Variants in FAM135A observed in about 807,000 individuals in gnomAD.
FAM135A encodes the protein protein FAM135A.
FAM135A carries 79 observed loss-of-function variants against 146.8 expected under a neutral mutation model. The observed-to-expected ratio is 0.54, with a 90% confidence interval of 0.45 to 0.65. The LOEUF is 0.65. Ranked by LOEUF, FAM135A falls within the 30% of genes least tolerant of loss-of-function variation. The pLI, the probability that FAM135A is intolerant of heterozygous loss-of-function variation, is 0.00. For missense variants in FAM135A, 1,623 were observed against 1,758.2 expected, an observed-to-expected ratio of 0.92 and a Z score of 1.38; for synonymous variants, 562 against 603.6, an observed-to-expected ratio of 0.93 and a Z score of 1.01.
chr6:70,517,960 A>G (rs1792672299), intron 12 of FAM135A, among the ~76,000 whole-genome samples: 2 of 152,142 alleles, frequency 1.3e-5, no homozygotes, highest in Admixed American at 1.3e-4. Context: ...TTAATATGCA[A>G]TGATCTCTAA....
At chr6:70,498,490 A>T (rs1387355696) in intron 11 of FAM135A, among the ~76,000 whole-genome samples, 1 of 151,686 alleles carries the variant, frequency 6.6e-6, no homozygotes, top group Non-Finnish European at 1.5e-5. Flanking sequence ...TTCTGGTCTG[A>T]TTTTAGTTAT....
intron 4 of FAM135A, among the ~76,000 whole-genome samples, chr6:70,451,226 T>C (rs1777025573): frequency 6.6e-6 from 1 of 152,208 alleles, no homozygotes; most frequent in African/African-American, 2.4e-5. Context: ...AAACCAAGGA[T>C]TGTGAATGTA....
At chr6:70,419,291 C>G (rs903032280) in intron 2 of FAM135A, among the ~76,000 whole-genome samples, 1 of 152,044 alleles carries the variant, frequency 6.6e-6, no homozygotes, top group Non-Finnish European at 1.5e-5. Context: ...TGGTGGCGCA[C>G]GCCTGTAGTC....
chr6:70,560,203 T>C lies in FAM135A; in HGVS notation c.*282T>C, dbSNP rs1386061986. 4.0e-5 allele frequency: 11 copies of C among 273,506 alleles called. No individual in the cohort carries two copies. Among genetic ancestry groups the C allele is most frequent in the African/African-American group, 2.5e-4 (11 of 44,462 alleles). The allele number at this position is 273,506 out of a possible 1,614,324, so 16.9% of individuals were successfully genotyped here. ...TTCAGTGAAACTTTAAGCCCATACC[T>C]GTGTCTGATTGTTTATTATTGGCTT... On this transcript the variant is annotated 3_prime_UTR_variant, in exon 22 of 22. Transcript: ENST00000418814.
intron 8 of FAM135A, among the ~76,000 whole-genome samples, chr6:70,478,392 T>A (rs950035866): frequency 1.3e-5 from 2 of 152,252 alleles, no homozygotes; most frequent in Admixed American, 1.3e-4. Context: ...TTCTAAACTA[T>A]CTACAATTTC....
chr6:70,512,626 T>C (rs752810660), intron 12 of FAM135A, among the ~76,000 whole-genome samples: 3 of 151,814 alleles, frequency 2.0e-5, no homozygotes, highest in Non-Finnish European at 4.4e-5. Context: ...GTTTTTGTTA[T>C]GACTTTAGTT....
chr6:70,523,851 A>T (rs1203971965), intron 13 of FAM135A, 116 bp from the exon 14 acceptor site: 1 of 969,558 alleles, frequency 1.0e-6, no homozygotes, highest in Non-Finnish European at 1.5e-6. Context: ...TAAGAAGGTT[A>T]TGTCTTGCAG....
chr6:70,549,032 G>C (rs754222368), intron 20 of FAM135A, among the ~76,000 whole-genome samples: 32 of 152,096 alleles, frequency 2.1e-4, no homozygotes, highest in Admixed American at 6.5e-4. Context: ...ATTGATGAGT[G>C]TGTGAAACAG....
At chr6:70,548,331 A>G (rs1799215254) in intron 20 of FAM135A, among the ~76,000 whole-genome samples, 1 of 152,232 alleles carries the variant, frequency 6.6e-6, no homozygotes, top group Admixed American at 6.5e-5. Flanking sequence ...ACTGGTTACC[A>G]AGTTTAAAAT....
intron 10 of FAM135A, among the ~76,000 whole-genome samples, chr6:70,483,910 CACTT>C (rs1455186071): frequency 4.6e-5 from 7 of 152,164 alleles, no homozygotes; most frequent in Non-Finnish European, 8.8e-5. Context: ...CCATTTCTGT[CACTT>C]ACTTACTTTG....
rs1284789159 is a variant in FAM135A, at chr6:70,469,159, A to G, written c.158-6251A>G. Among the ~76,000 whole-genome samples, 4 of 152,254 alleles carry G rather than the reference A, an allele frequency of 2.6e-5. No homozygotes were observed. In the East Asian group the frequency reaches 5.8e-4, roughly 22 times the overall value. On this transcript the variant is annotated intron_variant, in intron 5 of 21. Coordinates refer to ENST00000418814, the MANE Select transcript of FAM135A (RefSeq NM_001162529.3). ...ACCACTCCGTTAGGATGTAAGCTCT[A>G]TGAGGTCGGAGATTTTTATCTCTTT...
intron 2 of FAM135A, among the ~76,000 whole-genome samples, chr6:70,416,663 T>C (rs897071516): frequency 3.3e-5 from 5 of 152,120 alleles, no homozygotes; most frequent in Non-Finnish European, 5.9e-5. Flanking sequence ...TGGTGGCTCA[T>C]GCCTGTAATT....
chr6:70,552,796 G>A (rs1295801157), intron 20 of FAM135A, among the ~76,000 whole-genome samples: 3 of 151,980 alleles, frequency 2.0e-5, no homozygotes, highest in African/African-American at 4.8e-5. Flanking sequence ...AAATAAAAAA[G>A]GGTAGGGAGA....
intron 19 of FAM135A, 107 bp from the exon 20 acceptor site, chr6:70,538,184 T>C: frequency 1.6e-6 from 1 of 613,800 alleles, no homozygotes; most frequent in Non-Finnish European, 2.4e-6. Flanking sequence ...AAATGCTAAT[T>C]TAGGCAATGT....
intron 4 of FAM135A, among the ~76,000 whole-genome samples, chr6:70,434,572 A>G (rs977902371): frequency 6.6e-6 from 1 of 152,228 alleles, no homozygotes; most frequent in African/African-American, 2.4e-5. Flanking sequence ...CAGATTGGTA[A>G]CAACCATTTC....
In FAM135A at chr6:70,497,073, T is replaced by C. The variant is rs575460534; in HGVS notation, c.874-5563T>C. ...CAATAGTATCTTGATGGGGATAGCA[T>C]TGAATCTATAAATTACTTTGGTCAG... is the stretch of plus-strand genomic sequence containing the variant. On this transcript the variant is annotated intron_variant, in intron 11 of 21. Coordinates refer to ENST00000418814, the MANE Select transcript of FAM135A (RefSeq NM_001162529.3). Among the ~76,000 whole-genome samples the C allele has an allele frequency of 8.5e-5, 13 of 152,304 alleles. No individual in the cohort carries two copies. The East Asian group carries it at 2.5e-3, about 29-fold the overall frequency.
Position 70,552,290 on chromosome 6 carries a change from GCTTTATATAAACC to G in FAM135A, c.4229-4433_4229-4421del, listed in dbSNP as rs566612052. On this transcript the variant is annotated intron_variant, in intron 20 of 21. Transcript: ENST00000418814. The stretch of plus-strand genomic sequence containing the variant: ...CCAAATACAATTGAGCCTGGTTTCT[GCTTTATATAAACC>G]CTTTATATAAACCCTTTATATAAAC... 1.8e-3 allele frequency among the ~76,000 whole-genome samples: 273 copies of G among 151,842 alleles called. 4 individuals carry two copies. Among genetic ancestry groups the G allele is most frequent in the South Asian group, 6.7e-3 (32 of 4,796 alleles).
In FAM135A at chr6:70,560,740, T is replaced by A. The variant is rs2128526921; in HGVS notation, c.*819T>A. 6.5e-6 allele frequency: 1 copy of A among 152,714 alleles called. No homozygotes were observed. The highest frequency in any genetic ancestry group is 2.1e-4 in the South Asian group (1 of 4,832). 9.5% of individuals were successfully genotyped at this position (152,714 alleles called of 1,614,324 possible). A position where few individuals can be genotyped will look rare whatever the true frequency, so the allele number is the denominator to read the frequency against. On this transcript the variant is annotated 3_prime_UTR_variant, in exon 22 of 22. Transcript: ENST00000418814. ...TTAACTTTTTTCATGGACTTCCTTA[T>A]ATGTACATAATAATTAAATGTTGAA...
intron 4 of FAM135A, among the ~76,000 whole-genome samples, chr6:70,431,424 C>T (rs1193196930): frequency 6.6e-6 from 1 of 152,194 alleles, no homozygotes; most frequent in Admixed American, 6.5e-5. Context: ...GTTTCACAGT[C>T]TCTCATCCTG....
Sources: gnomAD v4.1 joint callset for allele counts (sites outside exome capture counted in the v4.1 genomes callset) on GRCh38, gnomAD v4.1.1 for gene constraint, MANE v1.5 for transcripts, NCBI Gene and HGNC (gene_info 2026-07-23, HGNC 2026-07-21) for gene names.